The following SI variants were observed in gnomAD, a reference collection of about 807,000 sequenced individuals.
SI encodes the protein sucrase-isomaltase.
In SI, 235 loss-of-function variants were observed where a neutral mutation model predicts 253.3. The observed-to-expected ratio is 0.93, with a 90% CI of 0.83 to 1.03. SI has a LOEUF of 1.03. SI is among the 50% of genes least tolerant of loss of function. The probability of loss-of-function intolerance (pLI) is 0.00; values close to 1 mark genes in which losing one functional copy is unlikely to be tolerated. For missense variants in SI, 2,442 were observed against 2,211.1 expected (o/e 1.10, Z -2.09); for synonymous variants, 819 against 712.0 (o/e 1.15, Z -2.39).
At chr3:165,033,066 T>C (rs1407281971) in intron 23 of SI, among the ~76,000 whole-genome samples, 1 of 151,498 alleles carries the variant, frequency 6.6e-6, no homozygotes, top group African/African-American at 2.4e-5. Context: ...CACCAATTAT[T>C]ACTGTGACTA....
intron 15 of SI, among the ~76,000 whole-genome samples, chr3:165,047,881 A>C (rs1409573752): frequency 6.6e-6 from 1 of 151,968 alleles, no homozygotes; most frequent in Non-Finnish European, 1.5e-5. Context: ...CACTGTCCAC[A>C]ACTACAAGCA....
chr3:165,002,782 TAAGA>T (rs2108147189), intron 37 of SI, among the ~76,000 whole-genome samples: 1 of 151,836 alleles, frequency 6.6e-6, no homozygotes, highest in Non-Finnish European at 1.5e-5. Flanking sequence ...ATTAAAATAT[TAAGA>T]AAGTATCTGA....
In SI at chr3:165,041,085, G is replaced by A. The variant is rs1712805593; in HGVS notation, c.2014C>T (p.Pro672Ser). ...AGTGAATTCTGCCCAAAAAATGCAG[G>A]ATCCTGATGCTGTGAGATAGAAAGA... is the stretch of plus-strand genomic sequence containing the variant. Reference protein sequence around the residue: ...HNSDGYEHQDPAFFGQNSLLV... With the variant: ...HNSDGYEHQDSAFFGQNSLLV... Residue 672 changes from proline (P) to serine (S), a missense_variant, in exon 18 of 48, where the codon CCT becomes TCT. Transcript: ENST00000264382. 6.2e-7 allele frequency: 1 copy of A among 1,612,542 alleles called. No homozygotes were observed. Among genetic ancestry groups the A allele is most frequent in the Non-Finnish European group, 8.5e-7 (1 of 1,179,046 alleles).
chr3:165,041,103 T>G lies in SI; in HGVS notation c.2005-9A>C. On this transcript the variant is annotated splice_polypyrimidine_tract_variant and intron_variant, in intron 17 of 47. Coordinates refer to ENST00000264382, the MANE Select transcript of SI (RefSeq NM_001041.4). ...AATGCAGGATCCTGATGCTGTGAGA[T>G]AGAAAGAGAAATTAAAATAAGAAAG... 1 of 1,611,736 alleles carries G rather than the reference T, an allele frequency of 6.2e-7. No homozygotes were observed. The highest frequency in any genetic ancestry group is 1.7e-4 in the Middle Eastern group (1 of 6,038).
intron 6 of SI, among the ~76,000 whole-genome samples, chr3:165,067,133 C>T (rs760632307): frequency 6.6e-5 from 10 of 151,832 alleles, no homozygotes; most frequent in African/African-American, 9.7e-5. Flanking sequence ...CATCTTTGTT[C>T]AACCTTTATT....
chr3:165,018,142 T>G (rs948369792), intron 28 of SI, 76 bp from the exon 29 acceptor site: 2 of 888,874 alleles, frequency 2.3e-6, no homozygotes, highest in Non-Finnish European at 3.7e-6. Context: ...ATTTTAAAAT[T>G]TATTATACAA....
intron 13 of SI, among the ~76,000 whole-genome samples, chr3:165,052,275 A>G (rs1456362901): frequency 6.6e-6 from 1 of 152,192 alleles, no homozygotes; most frequent in East Asian, 1.9e-4. Flanking sequence ...GCATTAAATT[A>G]AGATTTTTAA....
intron 7 of SI, 58 bp downstream of exon 7, chr3:165,065,203 G>C: frequency 8.9e-7 from 1 of 1,121,708 alleles, no homozygotes; most frequent in Non-Finnish European, 1.3e-6. Context: ...AATATGCTAA[G>C]ATTTTCATCT....
intron 19 of SI, among the ~76,000 whole-genome samples, chr3:165,039,344 A>T (rs1046039598): frequency 6.6e-6 from 1 of 152,132 alleles, no homozygotes; most frequent in Admixed American, 6.6e-5. Context: ...TAAATAAAAA[A>T]GTAATTTAGA....
chr3:165,069,683 C>T (rs776424839), intron 3 of SI, among the ~76,000 whole-genome samples: 2 of 151,916 alleles, frequency 1.3e-5, no homozygotes, highest in Non-Finnish European at 2.9e-5. Context: ...ACTATCTTAA[C>T]TAGTTTATGT....
intron 37 of SI, among the ~76,000 whole-genome samples, chr3:165,000,079 C>G (rs894469636): frequency 1.3e-5 from 2 of 150,794 alleles, no homozygotes; most frequent in African/African-American, 4.9e-5. Context: ...TTCTATAAAT[C>G]TATATGAAAA....
chr3:165,053,556 T>G (rs537210815), intron 13 of SI, among the ~76,000 whole-genome samples: 1 of 152,316 alleles, frequency 6.6e-6, no homozygotes, highest in Non-Finnish European at 1.5e-5. Context: ...GAAATTATAC[T>G]GCTTCTTGTG....
chr3:165,072,645 A>G (rs896176294), intron 3 of SI, among the ~76,000 whole-genome samples: 28 of 152,228 alleles, frequency 1.8e-4, no homozygotes, highest in African/African-American at 6.3e-4. Flanking sequence ...TGCTAGTTAA[A>G]GAACAGTGAC....
intron 41 of SI, among the ~76,000 whole-genome samples, chr3:164,994,028 C>A (rs1576872697): frequency 6.6e-6 from 1 of 151,696 alleles, no homozygotes; most frequent in Non-Finnish European, 1.5e-5. Context: ...GAAATAGAAT[C>A]ATTACTTTTT....
chr3:165,012,719 C>T lies in SI; in HGVS notation c.4062+261G>A, dbSNP rs182451036. 4.0e-3 allele frequency among the ~76,000 whole-genome samples: 612 copies of T among 152,116 alleles called. 15 individuals are homozygous for T. Among genetic ancestry groups the T allele is most frequent in the Non-Finnish European group, 2.0e-3 (139 of 67,986 alleles). On this transcript the variant is annotated intron_variant, in intron 34 of 47. Transcript: ENST00000264382. ...TGCTGGGATTACAGGCATGAGCCAC[C>T]GTGCCAGGCCATAACTTTTTAAATA...
chr3:165,047,059 A>G (rs1713159108), intron 15 of SI, 47 bp from the exon 16 acceptor site: 1 of 1,418,556 alleles, frequency 7.0e-7, no homozygotes, highest in African/African-American at 1.4e-5. Flanking sequence ...TTAAAAAATA[A>G]AGTTGGTATT....
chr3:164,994,266 A>G lies in SI; in HGVS notation c.4832T>C (p.Leu1611Pro). The G allele has an allele frequency of 6.2e-7, 1 of 1,610,340 alleles. No homozygotes were observed. The highest frequency in any genetic ancestry group is 1.1e-5 in the South Asian group (1 of 91,028). The change falls in exon 41 of 48, where the codon CTT (leucine) becomes CCT (proline). Residue 1611 changes from leucine to proline, a missense_variant. By Grantham distance (98) the Leu-to-Pro change is moderately conservative. Transcript: ENST00000264382. ...CAAACTTTGTACTTACTCATGCAAA[A>G]GGGGTCGGATAACAGTGCCACCATT... ...HANGGTVIRPLLHEFFDEKPT... is the reference protein window; with the variant it reads ...HANGGTVIRPPLHEFFDEKPT...
Position 165,019,651 on chromosome 3 carries a change from T to C in SI, c.3374A>G (p.Asp1125Gly). 1.2e-6 allele frequency: 2 copies of C among 1,612,660 alleles called. No homozygotes were observed. The highest frequency in any genetic ancestry group is 2.2e-5 in the South Asian group (2 of 91,064). Reference protein sequence around the residue: ...GEVEHTAFKRDLNWNTWGMFT... With the variant: ...GEVEHTAFKRGLNWNTWGMFT... ...CATTCCCCAAGTATTCCAGTTCAGA[T>C]CTCGCTTAAATGCTGTATGTTCCAC... The change falls in exon 28 of 48, where the codon GAT (aspartate) becomes GGT (glycine). Residue 1125 changes from aspartate to glycine, a missense_variant. Asp to Gly is a moderately conservative substitution (Grantham distance 94). Coordinates refer to ENST00000264382, the MANE Select transcript of SI (RefSeq NM_001041.4).
chr3:165,067,772 A>T (rs1014716491), intron 5 of SI, among the ~76,000 whole-genome samples: 2 of 151,966 alleles, frequency 1.3e-5, no homozygotes, highest in African/African-American at 4.8e-5. Context: ...CAGTATTACC[A>T]AATATTGATT....
Sources: allele counts gnomAD v4.1 joint callset (sites outside exome capture counted in the v4.1 genomes callset), GRCh38; gene constraint gnomAD v4.1.1; transcripts MANE v1.5; gene names NCBI Gene and HGNC (gene_info 2026-07-23, HGNC 2026-07-21).